Variants in XPR1 observed in about 807,000 individuals in gnomAD.
XPR1 encodes xenotropic and polytropic retrovirus receptor 1, also known as solute carrier family 53 member 1.
A neutral mutation model predicts 87.5 loss-of-function variants in XPR1; 28 were observed. The observed-to-expected ratio is 0.32, with a 90% CI of 0.24 to 0.44. The LOEUF is 0.44. Ranked by LOEUF, XPR1 falls within the 20% of genes least tolerant of loss-of-function variation. The probability of loss-of-function intolerance (pLI) is 1.00; values close to 1 mark genes in which losing one functional copy is unlikely to be tolerated. For synonymous variants in XPR1, 300 were observed against 306.1 expected (o/e 0.98, Z 0.21); for missense variants, 559 against 862.3 (o/e 0.65, Z 4.41).
At chr1:180,765,559 A>G (rs544148237) in intron 2 of XPR1, among the ~76,000 whole-genome samples, 19 of 152,288 alleles carry the variant, frequency 1.2e-4, no homozygotes, top group African/African-American at 4.6e-4. Context: ...TCAGATATCT[A>G]TCAAAATCTG....
intron 2 of XPR1, among the ~76,000 whole-genome samples, chr1:180,762,251 C>A (rs1275237594): frequency 6.6e-6 from 1 of 151,500 alleles, no homozygotes; most frequent in East Asian, 1.9e-4. Flanking sequence ...GGCACATGTA[C>A]CCTAAAACTT....
chr1:180,848,311 T>G (rs1651756515), intron 11 of XPR1, among the ~76,000 whole-genome samples: 1 of 152,150 alleles, frequency 6.6e-6, no homozygotes, highest in Admixed American at 6.5e-5. Flanking sequence ...CTCCCTATCC[T>G]TCTCTCCCCT....
chr1:180,856,107 G>A (rs7516646), intron 11 of XPR1, among the ~76,000 whole-genome samples: 58,257 of 151,812 alleles, frequency 0.38, 11,418 homozygotes, highest in African/African-American at 0.42. Flanking sequence ...TCTCTATCCT[G>A]CATCTCAAAA....
chr1:180,669,742 A>ACC (rs989732812), intron 1 of XPR1, among the ~76,000 whole-genome samples: 1 of 152,128 alleles, frequency 6.6e-6, no homozygotes, highest in Non-Finnish European at 1.5e-5. Flanking sequence ...ATAGTACCAA[A>ACC]CCCTATAGGT....
At chr1:180,667,088 T>A (rs6674734) in intron 1 of XPR1, among the ~76,000 whole-genome samples, 6,543 of 151,952 alleles carry the variant, frequency 0.043, 503 homozygotes, top group African/African-American at 0.15. Context: ...AATTTTTGTA[T>A]TTTTTTTGTA....
At chr1:180,831,954 T>G (rs1431771184) in intron 9 of XPR1, among the ~76,000 whole-genome samples, 2 of 152,196 alleles carry the variant, frequency 1.3e-5, no homozygotes, top group Admixed American at 1.3e-4. Context: ...TGGTTCTAGA[T>G]CCTTGAGGAA....
At chr1:180,654,335 G>A (rs552011254) in intron 1 of XPR1, among the ~76,000 whole-genome samples, 7 of 151,936 alleles carry the variant, frequency 4.6e-5, no homozygotes, top group African/African-American at 1.7e-4. Context: ...TTGATTCTAA[G>A]CAACTTTTAA....
chr1:180,758,257 T>C (rs768887433), intron 2 of XPR1, among the ~76,000 whole-genome samples: 2 of 151,884 alleles, frequency 1.3e-5, no homozygotes, highest in Non-Finnish European at 2.9e-5. Flanking sequence ...AAGATAAATA[T>C]AGCATGTTCT....
chr1:180,675,421 T>C (rs1237619402), intron 1 of XPR1, among the ~76,000 whole-genome samples: 1 of 152,230 alleles, frequency 6.6e-6, no homozygotes, highest in Non-Finnish European at 1.5e-5. Context: ...CTTTTATCTG[T>C]AGCTATCTGC....
chr1:180,805,970 C>T, intron 4 of XPR1, 92 bp from the exon 5 acceptor site: 1 of 1,367,278 alleles, frequency 7.3e-7, no homozygotes. Flanking sequence ...AATCTTTGTC[C>T]AGCCAGCTCT....
chr1:180,665,773 G>A (rs1025517159), intron 1 of XPR1, among the ~76,000 whole-genome samples: 7 of 152,156 alleles, frequency 4.6e-5, no homozygotes, highest in Non-Finnish European at 7.3e-5. Flanking sequence ...AAGATTGTCC[G>A]TCCTACCTTC....
In XPR1 at chr1:180,824,768, A is replaced by G. The variant is rs1650767161; in HGVS notation, c.779A>G (p.Glu260Gly). Residue 260 changes from glutamate to glycine, a missense_variant, in exon 8 of 15, where the codon GAA (glutamate) becomes GGA (glycine). Physicochemically the swap from Glu to Gly is moderately conservative, Grantham distance 98 (BLOSUM62 -2). Coordinates refer to ENST00000367590, the MANE Select transcript of XPR1 (RefSeq NM_004736.4). ...TLVLAAVFKL[E>G]TDRSIWPLIR... Reference sequence around the variant, plus strand: ...ATTCTTTCAGCTGTATTTAAACTTGAAACAGATAGAAGTATATGGCCCTTG... The same window carrying G: ...ATTCTTTCAGCTGTATTTAAACTTGGAACAGATAGAAGTATATGGCCCTTG... The G allele has an allele frequency of 6.2e-7, 1 of 1,609,558 alleles. No homozygotes were observed. Among genetic ancestry groups the G allele is most frequent in the African/African-American group, 1.3e-5 (1 of 74,612 alleles).
At chr1:180,847,361 A>G (rs534628954) in intron 11 of XPR1, among the ~76,000 whole-genome samples, 41 of 152,320 alleles carry the variant, frequency 2.7e-4, no homozygotes, top group African/African-American at 9.9e-4. Flanking sequence ...TTCTCAATTT[A>G]ATCAACCCTT....
chr1:180,864,252 A>G (rs2102208483), intron 12 of XPR1, among the ~76,000 whole-genome samples: 1 of 152,284 alleles, frequency 6.6e-6, no homozygotes, highest in East Asian at 1.9e-4. Context: ...CTTTGTAAAC[A>G]CCTGTTCCTC....
chr1:180,754,766 T>C (rs1047822072), intron 2 of XPR1, among the ~76,000 whole-genome samples: 1 of 152,094 alleles, frequency 6.6e-6, no homozygotes, highest in African/African-American at 2.4e-5. Context: ...CCGGCCTCCT[T>C]TCTTGTATTT....
chr1:180,830,513 A>G (rs139654272), intron 9 of XPR1, among the ~76,000 whole-genome samples: 124 of 152,352 alleles, frequency 8.1e-4, no homozygotes, highest in African/African-American at 2.8e-3. Context: ...ATAAATATTT[A>G]GAGAAACAGA....
chr1:180,734,134 G>A (rs1658649052), intron 2 of XPR1, among the ~76,000 whole-genome samples: 1 of 152,156 alleles, frequency 6.6e-6, no homozygotes, highest in African/African-American at 2.4e-5. Context: ...TATACTTACA[G>A]GTTACTGAAT....
chr1:180,759,616 A>G (rs1315019737), intron 2 of XPR1, among the ~76,000 whole-genome samples: 1 of 152,230 alleles, frequency 6.6e-6, no homozygotes, highest in Non-Finnish European at 1.5e-5. Flanking sequence ...AATTGAGGCA[A>G]TAATCAATAG....
intron 2 of XPR1, among the ~76,000 whole-genome samples, chr1:180,748,930 G>T (rs1387080585): frequency 1.3e-5 from 2 of 152,242 alleles, no homozygotes; most frequent in Non-Finnish European, 2.9e-5. Context: ...TGGACGAGGT[G>T]GCTCACGCCT....
Sources: allele counts gnomAD v4.1 joint callset (sites outside exome capture counted in the v4.1 genomes callset), GRCh38; gene constraint gnomAD v4.1.1; transcripts MANE v1.5; gene names NCBI Gene and HGNC (gene_info 2026-07-23, HGNC 2026-07-21).